DYNC2H1: variants seen among roughly 807,000 people sequenced by gnomAD.
DYNC2H1 encodes the protein cytoplasmic dynein 2 heavy chain 1.
Under a neutral mutation model 570.0 loss-of-function variants are expected in DYNC2H1, and 410 were observed. The ratio of observed to expected loss-of-function variants is 0.72; its 90% confidence interval spans 0.66 to 0.78. The LOEUF is 0.78. DYNC2H1 is among the 30% of genes least tolerant of loss of function. The probability of loss-of-function intolerance (pLI) is 0.00; values close to 1 mark genes in which losing one functional copy is unlikely to be tolerated. For synonymous variants in DYNC2H1, 1,688 were observed against 1,677.6 expected, an observed-to-expected ratio of 1.01 and a Z score of -0.15; for missense variants, 4,865 against 5,046.4, an observed-to-expected ratio of 0.96 and a Z score of 1.09.
At chr11:103,143,174 T>A in intron 17 of DYNC2H1, 94 bp from the exon 18 acceptor site, 1 of 1,330,690 alleles carries the variant, frequency 7.5e-7, no homozygotes, top group Non-Finnish European at 1.0e-6. Flanking sequence ...TATTTTCCTC[T>A]TTTTATTGGT....
At chr11:103,390,472 T>C (rs1194107222) in intron 83 of DYNC2H1, among the ~76,000 whole-genome samples, 1 of 152,150 alleles carries the variant, frequency 6.6e-6, no homozygotes, top group East Asian at 1.9e-4. Context: ...CTGTGTCTTT[T>C]AATTGGAGCA....
At chr11:103,276,481 C>T (rs1043840414) in intron 70 of DYNC2H1, among the ~76,000 whole-genome samples, 4 of 151,870 alleles carry the variant, frequency 2.6e-5, no homozygotes, top group Non-Finnish European at 4.4e-5. Context: ...TAATAGATGG[C>T]TTCTTTTTGT....
intron 83 of DYNC2H1, among the ~76,000 whole-genome samples, chr11:103,389,804 G>T (rs1378022152): frequency 3.3e-5 from 5 of 152,066 alleles, no homozygotes; most frequent in Non-Finnish European, 5.9e-5. Context: ...TAATTGAGTG[G>T]TTTTGAGTGA....
chr11:103,177,513 T>A lies in DYNC2H1; in HGVS notation c.5875-43T>A. The stretch of plus-strand genomic sequence containing the variant: ...GAATAAAAGCAGAACTAAGTATGAT[T>A]GAATATTATAAATCATATATGAACA... On this transcript the variant is annotated intron_variant, in intron 37 of 88. Coordinates refer to ENST00000375735, the MANE Select transcript of DYNC2H1 (RefSeq NM_001377.3). This position sits in a 1 kb window ranked among gnomAD's most constrained non-coding sequence, Gnocchi z 4.4. 1 of 1,558,092 alleles carries A rather than the reference T, an allele frequency of 6.4e-7. No individual in the cohort carries two copies. The highest frequency in any genetic ancestry group is 8.7e-7 in the Non-Finnish European group (1 of 1,155,278).
intron 83 of DYNC2H1, among the ~76,000 whole-genome samples, chr11:103,372,025 T>A (rs1198886818): frequency 1.5e-5 from 2 of 129,968 alleles, no homozygotes; most frequent in African/African-American, 2.9e-5. Flanking sequence ...GGCAACTTTG[T>A]CTTGTTCTTT....
chr11:103,327,443 A>G (rs1394206790), intron 82 of DYNC2H1, among the ~76,000 whole-genome samples: 1 of 152,122 alleles, frequency 6.6e-6, no homozygotes, highest in Non-Finnish European at 1.5e-5. Flanking sequence ...ATAAAAAGTT[A>G]TTTCATAGGC....
At chr11:103,371,746 G>A (rs1263896609) in intron 83 of DYNC2H1, among the ~76,000 whole-genome samples, 1 of 151,986 alleles carries the variant, frequency 6.6e-6, no homozygotes, top group Non-Finnish European at 1.5e-5. Flanking sequence ...GATTTTATTT[G>A]CAGATAGCTC....
At chr11:103,344,265 A>G (rs1463216237) in intron 82 of DYNC2H1, among the ~76,000 whole-genome samples, 1 of 152,218 alleles carries the variant, frequency 6.6e-6, no homozygotes, top group East Asian at 1.9e-4. Context: ...GTGCAACTCT[A>G]TCCATGAAAC....
At position 103,465,460 on chromosome 11, in the gene DYNC2H1, T is replaced by TG. The variant is rs796712372; in HGVS notation, c.12649-3129_12649-3128insG. ...CAGTATCCCAAAGTGTGTTTTGTTT[T>TG]TTTTTTTAATCTGTGGCACATGAGT... On this transcript the variant is annotated intron_variant, in intron 87 of 88. Transcript: ENST00000375735. This position sits in a 1 kb window ranked among gnomAD's most constrained non-coding sequence, Gnocchi z 4.9. Among the ~76,000 whole-genome samples the TG allele has an allele frequency of 4.9e-4, 75 of 152,194 alleles. No individual in the cohort carries two copies. The Middle Eastern group carries it at 0.017, about 35-fold the overall frequency.
At chr11:103,354,519 T>G (rs1013214140) in intron 82 of DYNC2H1, among the ~76,000 whole-genome samples, 2 of 152,142 alleles carry the variant, frequency 1.3e-5, no homozygotes, top group Non-Finnish European at 2.9e-5. Context: ...ATTTATAAAT[T>G]TCTTAAACAT....
chr11:103,177,676 A>G lies in DYNC2H1; in HGVS notation c.5995A>G (p.Thr1999Ala), dbSNP rs1294970941. 6.2e-7 allele frequency: 1 copy of G among 1,613,352 alleles called. No individual in the cohort carries two copies. Among genetic ancestry groups the G allele is most frequent in the East Asian group, 2.2e-5 (1 of 44,826 alleles). The change falls in exon 38 of 89, where the codon ACT (threonine) becomes GCT (alanine). Residue 1999 changes from threonine to alanine, a missense_variant. Thr to Ala is a moderately conservative substitution (Grantham distance 58, BLOSUM62 0). Coordinates refer to ENST00000375735, the MANE Select transcript of DYNC2H1 (RefSeq NM_001377.3). This position sits in a 1 kb window ranked among gnomAD's most constrained non-coding sequence, Gnocchi z 4.4. ...AATGTTAAGGGCTGCGCTTTGTAAA[A>G]CTGGCAAAGTAGTGAAACAATATAC... ...WRMLRAALCK[T>A]GKVVKQYTMN...
chr11:103,332,619 A>C (rs186820258), intron 82 of DYNC2H1, among the ~76,000 whole-genome samples: 2 of 152,346 alleles, frequency 1.3e-5, no homozygotes, highest in East Asian at 3.9e-4. Flanking sequence ...AAGTCAGAAG[A>C]TAATGGAATC....
chr11:103,448,927 T>TC (rs397829175), intron 85 of DYNC2H1, among the ~76,000 whole-genome samples: 6 of 152,110 alleles, frequency 3.9e-5, no homozygotes, highest in African/African-American at 7.2e-5. Context: ...TTCTTTTTTT[T>TC]CCTTTGTTTC....
intron 75 of DYNC2H1, among the ~76,000 whole-genome samples, chr11:103,295,388 C>T (rs1215426255): frequency 6.6e-6 from 1 of 152,198 alleles, no homozygotes; most frequent in African/African-American, 2.4e-5. Flanking sequence ...ACAGCCCAGA[C>T]CCAGGAAAAG....
At chr11:103,315,424 C>A (rs747715121) in intron 79 of DYNC2H1, among the ~76,000 whole-genome samples, 5 of 152,000 alleles carry the variant, frequency 3.3e-5, no homozygotes, top group Admixed American at 6.6e-5. Context: ...CCTTCCCAAA[C>A]CTTGTATTCT....
At chr11:103,267,457 T>C (rs980882230) in intron 70 of DYNC2H1, among the ~76,000 whole-genome samples, 1 of 151,574 alleles carries the variant, frequency 6.6e-6, no homozygotes, top group Non-Finnish European at 1.5e-5. Context: ...AATTTTACCT[T>C]GTGTAAAATG....
intron 84 of DYNC2H1, among the ~76,000 whole-genome samples, chr11:103,432,204 G>C (rs1281265997): frequency 6.6e-6 from 1 of 152,026 alleles, no homozygotes; most frequent in African/African-American, 2.4e-5. Flanking sequence ...ATAGTTCATC[G>C]TTGTTACGTA....
At chr11:103,283,521 G>GT (rs1866227099) in intron 73 of DYNC2H1, among the ~76,000 whole-genome samples, 2 of 152,088 alleles carry the variant, frequency 1.3e-5, no homozygotes, top group Admixed American at 1.3e-4. Flanking sequence ...CACAACTGTT[G>GT]TATCATTATA....
In DYNC2H1 at chr11:103,205,018, T is replaced by C. The variant is rs1862871664; in HGVS notation, c.8454+54T>C. The C allele has an allele frequency of 1.3e-6, 2 of 1,500,852 alleles. No homozygotes were observed. The highest frequency in any genetic ancestry group is 2.8e-5 in the African/African-American group (2 of 71,422). The allele number at this position is 1,500,852 out of a possible 1,614,324, so 93.0% of individuals were successfully genotyped here. A position where few individuals can be genotyped will look rare whatever the true frequency, so the allele number is the denominator to read the frequency against. ...AAAGCACATTTTATTTTTGAAGTTA[T>C]TGATTTTCACAACTTCTCTTTGGTG... On this transcript the variant is annotated intron_variant, in intron 52 of 88. Transcript: ENST00000375735. This position sits in a 1 kb window ranked among gnomAD's most constrained non-coding sequence, Gnocchi z 4.5.
Sources: allele counts gnomAD v4.1 joint callset (sites outside exome capture counted in the v4.1 genomes callset), GRCh38; gene constraint gnomAD v4.1.1; non-coding constraint Gnocchi (gnomAD v3.1); transcripts MANE v1.5; gene names NCBI Gene and HGNC (gene_info 2026-07-23, HGNC 2026-07-21).